DHRS1: variants seen among roughly 807,000 people sequenced by gnomAD.
DHRS1 encodes dehydrogenase/reductase SDR family member 1.
In DHRS1, 34 loss-of-function variants were observed where a neutral mutation model predicts 35.2. The observed-to-expected ratio is 0.97, with a 90% CI of 0.74 to 1.29. DHRS1 has a LOEUF of 1.29. Among genes scored for constraint, DHRS1 ranks in the 50% most tolerant of loss-of-function variants. The probability of loss-of-function intolerance (pLI) is 0.00; values close to 1 mark genes in which losing one functional copy is unlikely to be tolerated. For missense variants in DHRS1, 354 were observed against 403.6 expected (o/e 0.88, Z 1.05); for synonymous variants, 133 against 160.0 (o/e 0.83, Z 1.27).
chr14:24,298,333 T>C (rs982393979), intron 2 of DHRS1, among the ~76,000 whole-genome samples: 6 of 152,242 alleles, frequency 3.9e-5, no homozygotes, highest in African/African-American at 1.2e-4. Flanking sequence ...ACTACAGGCA[T>C]GAGCCACTGT....
In DHRS1 at chr14:24,296,509, C is replaced by T; in HGVS notation, c.374G>A (p.Arg125Lys). The stretch of plus-strand genomic sequence containing the variant: ...TGGGTCCTGGCAGTGGAGCACCCAC[C>T]TGAGTCCGACGTTGTTGATATCATC... ...MWDDINNVGL[R>K]GHYFCSVYGA... Residue 125 changes from arginine (R) to lysine (K), a missense_variant and splice_region_variant, in exon 4 of 9, where the codon AGA (arginine) becomes AAA (lysine). Coordinates refer to ENST00000288111, the MANE Select transcript of DHRS1 (RefSeq NM_001136050.3). 3.1e-6 allele frequency: 5 copies of T among 1,614,144 alleles called. No individual in the cohort carries two copies. Among genetic ancestry groups the T allele is most frequent in the Non-Finnish European group, 4.2e-6 (5 of 1,180,022 alleles).
chr14:24,297,776 T>C (rs2139104159), intron 2 of DHRS1, among the ~76,000 whole-genome samples: 1 of 152,324 alleles, frequency 6.6e-6, no homozygotes, highest in Non-Finnish European at 1.5e-5. Flanking sequence ...ACAGCGTCCC[T>C]ATGCTTATGG....
chr14:24,296,661 A>C, intron 3 of DHRS1, 73 bp from the exon 4 acceptor site: 1 of 1,613,570 alleles, frequency 6.2e-7, no homozygotes, highest in Non-Finnish European at 8.5e-7. Flanking sequence ...TGGAAGGGAC[A>C]ATGAGTGGGG....
chr14:24,292,160 T>C, intron 6 of DHRS1, 24 bp downstream of exon 6: 1 of 1,614,002 alleles, frequency 6.2e-7, no homozygotes, highest in Non-Finnish European at 8.5e-7. Context: ...TGTTCTCTGC[T>C]TCCTTCGCCC....
At chr14:24,299,312 T>G in intron 1 of DHRS1, 182 bp from the exon 2 acceptor site, 2 of 571,782 alleles carry the variant, frequency 3.5e-6, no homozygotes, top group Non-Finnish European at 3.1e-6. Flanking sequence ...GCTGACTGTC[T>G]TTTGGGAGGC....
In DHRS1 at chr14:24,290,631, G is replaced by A. The variant is rs963055671; in HGVS notation, c.*228C>T. The A allele has an allele frequency of 2.0e-6, 1 of 503,844 alleles. No individual in the cohort carries two copies. Among genetic ancestry groups the A allele is most frequent in the South Asian group, 2.7e-5 (1 of 37,166 alleles). The allele number at this position is 503,844 out of a possible 1,614,324, so 31.2% of individuals were successfully genotyped here. A position where few individuals can be genotyped will look rare whatever the true frequency, so the allele number is the denominator to read the frequency against. On this transcript the variant is annotated 3_prime_UTR_variant, in exon 9 of 9. Coordinates refer to ENST00000288111, the MANE Select transcript of DHRS1 (RefSeq NM_001136050.3). ...GAAATGAGACTTTTATTAGCTCCAAGAGCATTTTTCAATACTAAGGCAAAA... is the reference window on the plus strand; with the variant it reads ...GAAATGAGACTTTTATTAGCTCCAAAAGCATTTTTCAATACTAAGGCAAAA...
chr14:24,299,574 C>T lies in DHRS1; in HGVS notation c.-25+7G>A, dbSNP rs2041327494. ...AGCCCTAAGTGGGACGAGCGTGCGC[C>T]GCTTACCTGCCACCTGCGCTGCCGC... On this transcript the variant is annotated splice_region_variant and intron_variant, in intron 1 of 8. Coordinates refer to ENST00000288111, the MANE Select transcript of DHRS1 (RefSeq NM_001136050.3). 4.1e-6 allele frequency: 1 copy of T among 245,364 alleles called. No homozygotes were observed. Among genetic ancestry groups the T allele is most frequent in the South Asian group, 1.0e-4 (1 of 10,042 alleles). The allele number at this position is 245,364 out of a possible 1,614,324, so 15.2% of individuals were successfully genotyped here. A position where few individuals can be genotyped will look rare whatever the true frequency, so the allele number is the denominator to read the frequency against.
Position 24,296,718 on chromosome 14 carries a change from G to A in DHRS1, c.294+20C>T. 1 of 1,614,122 alleles carries A rather than the reference G, an allele frequency of 6.2e-7. No individual in the cohort carries two copies. The highest frequency in any genetic ancestry group is 8.5e-7 in the Non-Finnish European group (1 of 1,180,006). On this transcript the variant is annotated intron_variant, in intron 3 of 8. Transcript: ENST00000288111. The stretch of plus-strand genomic sequence containing the variant: ...GGGGAGGTCAGAAATGTGGAGTTGG[G>A]AACAAAGTTCAAAGGGTACCTGGAC...
chr14:24,296,231 TCCTC>T (rs2041245105), intron 4 of DHRS1, among the ~76,000 whole-genome samples: 1 of 152,176 alleles, frequency 6.6e-6, no homozygotes, highest in African/African-American at 2.4e-5. Context: ...GGAGGAGGCT[TCCTC>T]CCTTCTGGGT....
chr14:24,299,111 C>T lies in DHRS1; in HGVS notation c.-5G>A, dbSNP rs2041319461. The T allele has an allele frequency of 6.2e-7, 1 of 1,610,818 alleles. No individual in the cohort carries two copies. Among genetic ancestry groups the T allele is most frequent in the Non-Finnish European group, 8.5e-7 (1 of 1,177,522 alleles). On this transcript the variant is annotated 5_prime_UTR_variant, in exon 2 of 9. Coordinates refer to ENST00000288111, the MANE Select transcript of DHRS1 (RefSeq NM_001136050.3). ...GCCATTCATGGGAGCTGCCATGACT[C>T]ACAGGCAAAGGAGGCAGGTCTGTGG...
chr14:24,294,218 A>G (rs556943001), intron 4 of DHRS1: 1 of 152,248 alleles, frequency 6.6e-6, no homozygotes, highest in Admixed American at 6.5e-5. Context: ...AAAGACTGAC[A>G]GATTTGACGT....
intron 7 of DHRS1, 131 bp from the exon 8 acceptor site, chr14:24,291,350 C>T: frequency 8.7e-7 from 1 of 1,148,162 alleles, no homozygotes; most frequent in Non-Finnish European, 1.3e-6. Context: ...TTCTCTTGGG[C>T]CTTGGACTTT....
rs1220684489 is a variant in DHRS1, at chr14:24,291,548, A to G, written c.724+8T>C. The G allele has an allele frequency of 6.2e-7, 1 of 1,613,988 alleles. No individual in the cohort carries two copies. The highest frequency in any genetic ancestry group is 2.2e-5 in the East Asian group (1 of 44,902). ...CCTTTCTTATTACCAGCTGCCCCCA[A>G]ACTTCACCTGTTGCCAAAGCCACCA... is the stretch of plus-strand genomic sequence containing the variant. On this transcript the variant is annotated splice_region_variant and intron_variant, in intron 7 of 8. Coordinates refer to ENST00000288111, the MANE Select transcript of DHRS1 (RefSeq NM_001136050.3).
At chr14:24,292,026 A>T in intron 6 of DHRS1, 158 bp downstream of exon 6, 1 of 944,140 alleles carries the variant, frequency 1.1e-6, no homozygotes, top group Non-Finnish European at 1.6e-6. Flanking sequence ...TGGAGCTGGT[A>T]TCTCCCTTAC....
chr14:24,291,454 CAT>C, intron 7 of DHRS1, 100 bp downstream of exon 7: 1 of 1,306,070 alleles, frequency 7.7e-7, no homozygotes, highest in African/African-American at 1.5e-5. Context: ...AAAAGAATGA[CAT>C]GTTCCTCAAC....
Position 24,296,577 on chromosome 14 carries a change from G to C in DHRS1, c.306C>G (p.Asn102Lys). The change falls in exon 4 of 9, where the codon AAC becomes AAG. Residue 102 changes from asparagine to lysine, a missense_variant. Asn to Lys is a moderately conservative substitution (Grantham distance 94, BLOSUM62 0). Coordinates refer to ENST00000288111, the MANE Select transcript of DHRS1 (RefSeq NM_001136050.3). The part of the protein sequence containing the change: ...NAYAGVQTIL[N>K]TRNKAFWETP... ...TTTCCCAGAATGCCTTATTCCTGGT[G>C]TTCAGGATCGTCTGGAAGGCACAGG... 6.2e-7 allele frequency: 1 copy of C among 1,614,150 alleles called. No individual in the cohort carries two copies. The highest frequency in any genetic ancestry group is 8.5e-7 in the Non-Finnish European group (1 of 1,180,030).
At position 24,290,738 on chromosome 14, in the gene DHRS1, A is replaced by G; in HGVS notation, c.*121T>C. On this transcript the variant is annotated 3_prime_UTR_variant, in exon 9 of 9. Transcript: ENST00000288111. ...AGAACTCACCACGGACACACAGCAG[A>G]GGGCTTCTCTTCATATCAAGGGTAT... The G allele has an allele frequency of 7.7e-7, 1 of 1,302,278 alleles. No individual in the cohort carries two copies. The highest frequency in any genetic ancestry group is 1.1e-6 in the Non-Finnish European group (1 of 922,276). The allele number at this position is 1,302,278 out of a possible 1,614,324, so 80.7% of individuals were successfully genotyped here. A position where few individuals can be genotyped will look rare whatever the true frequency, so the allele number is the denominator to read the frequency against.
chr14:24,294,008 T>G (rs2064824242), intron 4 of DHRS1: 1 of 152,186 alleles, frequency 6.6e-6, no homozygotes, highest in Non-Finnish European at 1.5e-5. Flanking sequence ...GTTGGATCAT[T>G]TGGGACAACC....
Position 24,291,077 on chromosome 14 carries a change from A to G in DHRS1, c.805+62T>C, listed in dbSNP as rs148881510. On this transcript the variant is annotated intron_variant, in intron 8 of 8. Transcript: ENST00000288111. Reference sequence around the variant, plus strand: ...TCACCTTGGCTGGAGAGACCGAGGGAGGAGTGGGCAGGGAACAGAGGGAAC... The same window carrying G: ...TCACCTTGGCTGGAGAGACCGAGGGGGGAGTGGGCAGGGAACAGAGGGAAC... 1.7e-4 allele frequency: 270 copies of G among 1,612,886 alleles called. 1 individual carries two copies. In the East Asian group the frequency reaches 5.9e-3, roughly 35 times the overall value.
Sources: gnomAD v4.1 joint callset for allele counts (sites outside exome capture counted in the v4.1 genomes callset) on GRCh38, gnomAD v4.1.1 for gene constraint, MANE v1.5 for transcripts, NCBI Gene and HGNC (gene_info 2026-07-23, HGNC 2026-07-21) for gene names.